TMEM132B: variants seen among roughly 807,000 people sequenced by gnomAD.
The protein encoded by TMEM132B is transmembrane protein 132B.
TMEM132B carries 18 observed loss-of-function variants against 90.8 expected under a neutral mutation model. The observed-to-expected ratio is 0.20, with a 90% CI of 0.14 to 0.29. The LOEUF (loss-of-function observed/expected upper bound fraction) is 0.29, where lower values mean the gene tolerates loss of function less well. Among genes scored for constraint, TMEM132B ranks in the 10% least tolerant of loss-of-function variants. TMEM132B has a pLI of 1.00. For synonymous variants in TMEM132B, 504 were observed against 523.3 expected, an observed-to-expected ratio of 0.96 and a Z score of 0.50; for missense variants, 1,096 against 1,326.8, an observed-to-expected ratio of 0.83 and a Z score of 2.70.
chr12:125,219,148 CT>C (rs997929557), intron 1 of TMEM132B, among the ~76,000 whole-genome samples: 62 of 152,208 alleles, frequency 4.1e-4, no homozygotes, highest in African/African-American at 1.3e-3. Flanking sequence ...ATAAGTTGCA[CT>C]TTTTTCCCCT....
intron 5 of TMEM132B, among the ~76,000 whole-genome samples, chr12:125,601,574 CAA>C (rs1196250264): frequency 6.6e-6 from 1 of 152,008 alleles, no homozygotes; most frequent in African/African-American, 2.4e-5. Context: ...TAAGAGCAAA[CAA>C]ATCCAAAAGC....
chr12:125,541,116 TG>T (rs1883943811), intron 4 of TMEM132B, among the ~76,000 whole-genome samples: 1 of 152,250 alleles, frequency 6.6e-6, no homozygotes, highest in South Asian at 2.1e-4. Flanking sequence ...CGGCCTTCCC[TG>T]ATCACCCTGG....
At chr12:125,384,238 C>A (rs533353447) in intron 2 of TMEM132B, among the ~76,000 whole-genome samples, 1 of 152,108 alleles carries the variant, frequency 6.6e-6, no homozygotes, top group East Asian at 1.9e-4. Flanking sequence ...CCATCACGCC[C>A]GGCTGAAACT....
rs141885357 is a variant in TMEM132B, at chr12:125,445,493, A to G, written c.1106+29816A>G. Among the ~76,000 whole-genome samples, 1,052 of 152,330 alleles carry G rather than the reference A, an allele frequency of 6.9e-3. 16 individuals are homozygous for G. Among genetic ancestry groups the G allele is most frequent in the African/African-American group, 0.024 (982 of 41,572 alleles). The stretch of plus-strand genomic sequence containing the variant: ...AGTACGGTATTTAAGCTTTGTCAGC[A>G]GAGGACACTGGAGGAACATGGTAGG... On this transcript the variant is annotated intron_variant, in intron 3 of 8. Transcript: ENST00000682704. This position sits in a 1 kb window ranked among gnomAD's most constrained non-coding sequence, Gnocchi z 4.3.
At chr12:125,400,135 G>C (rs767583634) in intron 2 of TMEM132B, among the ~76,000 whole-genome samples, 3 of 152,238 alleles carry the variant, frequency 2.0e-5, no homozygotes, top group Non-Finnish European at 2.9e-5. Flanking sequence ...GGTAACACAT[G>C]AGATCAAGGC....
intron 2 of TMEM132B, among the ~76,000 whole-genome samples, chr12:125,389,056 A>AC (rs1593118059): frequency 1.2e-4 from 18 of 145,148 alleles, no homozygotes; most frequent in South Asian, 6.7e-4. Context: ...ACACACACAC[A>AC]AACACACAAG....
At chr12:125,340,243 G>T (rs984300687) in intron 1 of TMEM132B, among the ~76,000 whole-genome samples, 9 of 152,144 alleles carry the variant, frequency 5.9e-5, no homozygotes, top group African/African-American at 2.2e-4. Context: ...CGAAAAATGT[G>T]TGCGCACCCT....
At position 125,438,212 on chromosome 12, in the gene TMEM132B, G is replaced by C. The variant is rs144514089; in HGVS notation, c.1106+22535G>C. On this transcript the variant is annotated intron_variant, in intron 3 of 8. Transcript: ENST00000682704. ...TCAAAGGTAATATCTAATACCATCA[G>C]GGCTGATATGTCCATCTGGGCAGTA... is the stretch of plus-strand genomic sequence containing the variant. 5.3e-4 allele frequency among the ~76,000 whole-genome samples: 80 copies of C among 152,278 alleles called. 2 individuals are homozygous for C. In the East Asian group the frequency reaches 0.015, roughly 28 times the overall value.
At chr12:125,538,288 T>A (rs936104859) in intron 4 of TMEM132B, among the ~76,000 whole-genome samples, 3 of 152,162 alleles carry the variant, frequency 2.0e-5, no homozygotes, top group Non-Finnish European at 4.4e-5. Flanking sequence ...ATCTCCCAAG[T>A]CTCAGCTTTC....
chr12:125,258,150 A>G (rs1180339811), intron 1 of TMEM132B, among the ~76,000 whole-genome samples: 1 of 152,234 alleles, frequency 6.6e-6, no homozygotes, highest in Non-Finnish European at 1.5e-5. Context: ...CAAAGCAGGC[A>G]TGGTTCCTGC....
intron 4 of TMEM132B, among the ~76,000 whole-genome samples, chr12:125,524,559 C>G (rs534252003): frequency 1.4e-4 from 21 of 152,346 alleles, no homozygotes; most frequent in African/African-American, 4.1e-4. Flanking sequence ...AAATCACATT[C>G]CCTGCCTGAT....
At chr12:125,635,465 A>G (rs1240440455) in intron 5 of TMEM132B, among the ~76,000 whole-genome samples, 2 of 152,222 alleles carry the variant, frequency 1.3e-5, no homozygotes, top group African/African-American at 2.4e-5. Flanking sequence ...TTCAATGGAC[A>G]CAAACTCATC....
At chr12:125,382,603 C>T (rs1268539090) in intron 2 of TMEM132B, among the ~76,000 whole-genome samples, 1 of 152,118 alleles carries the variant, frequency 6.6e-6, no homozygotes, top group Non-Finnish European at 1.5e-5. Flanking sequence ...AAACAAGAAA[C>T]AGAGGCCTTT....
At chr12:125,564,937 G>C (rs79434043) in intron 4 of TMEM132B, among the ~76,000 whole-genome samples, 1 of 152,190 alleles carries the variant, frequency 6.6e-6, no homozygotes, top group Non-Finnish European at 1.5e-5. Flanking sequence ...TGTGTGGGAG[G>C]TGTGAAGGAT....
At chr12:125,211,156 G>C (rs1252034144) in intron 1 of TMEM132B, among the ~76,000 whole-genome samples, 1 of 152,116 alleles carries the variant, frequency 6.6e-6, no homozygotes, top group Admixed American at 6.5e-5. Context: ...AGGGATATCT[G>C]TGAGGTTTTG....
chr12:125,336,095 G>A (rs1343314512), intron 1 of TMEM132B, among the ~76,000 whole-genome samples: 1 of 152,226 alleles, frequency 6.6e-6, no homozygotes, highest in Non-Finnish European at 1.5e-5. Flanking sequence ...TCAGGACACA[G>A]AAGAGCTCCA....
intron 1 of TMEM132B, among the ~76,000 whole-genome samples, chr12:125,299,741 C>T (rs1875770424): frequency 6.6e-6 from 1 of 152,226 alleles, no homozygotes. Context: ...CCAGCAGATC[C>T]TGCTGGCTCT....
intron 3 of TMEM132B, among the ~76,000 whole-genome samples, chr12:125,434,626 T>C (rs946412507): frequency 3.3e-5 from 5 of 152,186 alleles, no homozygotes; most frequent in African/African-American, 1.2e-4. Context: ...AGGCGCCGGC[T>C]GTGGTCAGAC....
chr12:125,298,804 G>T (rs1342182679), intron 1 of TMEM132B, among the ~76,000 whole-genome samples: 1 of 149,798 alleles, frequency 6.7e-6, no homozygotes, highest in Admixed American at 6.6e-5. Flanking sequence ...CGCGATCTCG[G>T]CTCACTGCAA....
Sources: gnomAD v4.1 joint callset for allele counts (sites outside exome capture counted in the v4.1 genomes callset) on GRCh38, gnomAD v4.1.1 for gene constraint, Gnocchi (gnomAD v3.1) non-coding constraint, MANE v1.5 for transcripts, NCBI Gene and HGNC (gene_info 2026-07-23, HGNC 2026-07-21) for gene names.